Variants in ALK observed in about 807,000 individuals in gnomAD.
ALK encodes the protein ALK receptor tyrosine kinase.
Under a neutral mutation model 163.1 loss-of-function variants are expected in ALK, and 74 were observed. The ratio of observed to expected loss-of-function variants is 0.45; its 90% CI spans 0.38 to 0.55. The LOEUF (loss-of-function observed/expected upper bound fraction) is 0.55. Among genes scored for constraint, ALK ranks in the 20% least tolerant of loss-of-function variants. The pLI is 0.00. For missense variants in ALK, 2,063 were observed against 2,105.3 expected (o/e 0.98, Z 0.39); for synonymous variants, 960 against 843.2 (o/e 1.14, Z -2.40).
chr2:29,535,299 T>C (rs767819963), intron 3 of ALK, among the ~76,000 whole-genome samples: 8 of 152,194 alleles, frequency 5.3e-5, no homozygotes, highest in African/African-American at 1.9e-4. Context: ...GTTGATATGT[T>C]TAATGATTAA....
intron 11 of ALK, among the ~76,000 whole-genome samples, chr2:29,253,765 C>T (rs1346510432): frequency 1.3e-5 from 2 of 151,990 alleles, no homozygotes; most frequent in Non-Finnish European, 2.9e-5. Context: ...TGGGGGTGGC[C>T]TTATCAATCA....
chr2:29,812,354 G>T (rs1391507429), intron 1 of ALK, among the ~76,000 whole-genome samples: 1 of 151,956 alleles, frequency 6.6e-6, no homozygotes, highest in African/African-American at 2.4e-5. Flanking sequence ...AAATACCCCC[G>T]CCATCATCAA....
chr2:29,264,854 A>G (rs1157351575), intron 11 of ALK, among the ~76,000 whole-genome samples: 1 of 152,282 alleles, frequency 6.6e-6, no homozygotes, highest in Non-Finnish European at 1.5e-5. Context: ...GCTGAAAGCC[A>G]TTTTGTTTTG....
At chr2:29,450,429 A>G (rs1178077552) in intron 4 of ALK, among the ~76,000 whole-genome samples, 2 of 151,718 alleles carry the variant, frequency 1.3e-5, no homozygotes, top group African/African-American at 2.4e-5. Flanking sequence ...TGAGCCCTGT[A>G]GGGTTCAGAG....
At chr2:29,570,110 A>G (rs1462682741) in intron 3 of ALK, among the ~76,000 whole-genome samples, 6 of 152,198 alleles carry the variant, frequency 3.9e-5, no homozygotes, top group African/African-American at 1.4e-4. Context: ...CTTCATTCCT[A>G]AGGGAGGCTA....
chr2:29,441,274 C>T (rs746303670), intron 4 of ALK, among the ~76,000 whole-genome samples: 4 of 152,234 alleles, frequency 2.6e-5, no homozygotes, highest in Non-Finnish European at 5.9e-5. Flanking sequence ...GGCAGAGTGC[C>T]ATTAAAACCA....
intron 8 of ALK, among the ~76,000 whole-genome samples, chr2:29,303,567 A>G (rs921855258): frequency 6.6e-6 from 1 of 152,256 alleles, no homozygotes; most frequent in African/African-American, 2.4e-5. Context: ...ATTTTACCAT[A>G]AAGACACCTG....
At chr2:29,570,490 G>C (rs1011586656) in intron 3 of ALK, among the ~76,000 whole-genome samples, 3 of 152,198 alleles carry the variant, frequency 2.0e-5, no homozygotes, top group African/African-American at 7.2e-5. Context: ...AGAACAGAAA[G>C]TGTTCAGAGA....
chr2:29,742,016 C>G (rs1015523632), intron 1 of ALK, among the ~76,000 whole-genome samples: 1 of 152,250 alleles, frequency 6.6e-6, no homozygotes, highest in African/African-American at 2.4e-5. Context: ...CAGTGAGCAT[C>G]TTGGCCTTCA....
chr2:29,548,731 TG>T (rs1456069543), intron 3 of ALK, among the ~76,000 whole-genome samples: 2 of 152,172 alleles, frequency 1.3e-5, no homozygotes. Context: ...AAACATTTGC[TG>T]AATGAATAAA....
chr2:29,204,864 C>T, intron 26 of ALK, among the ~76,000 whole-genome samples: 1 of 152,246 alleles, frequency 6.6e-6, no homozygotes, highest in South Asian at 2.1e-4. Context: ...GCTGGGATTA[C>T]AGGCATGAGC....
intron 1 of ALK, among the ~76,000 whole-genome samples, chr2:29,786,781 T>G (rs1664039665): frequency 6.6e-6 from 1 of 151,328 alleles, no homozygotes; most frequent in African/African-American, 2.4e-5. Flanking sequence ...GTTTTTTTTG[T>G]TTGTTTGTTT....
chr2:29,617,868 G>T (rs1402677517), intron 3 of ALK, among the ~76,000 whole-genome samples: 1 of 152,192 alleles, frequency 6.6e-6, no homozygotes, highest in Admixed American at 6.5e-5. Flanking sequence ...CTCTCCCAGG[G>T]ATCAACAGAC....
intron 19 of ALK, among the ~76,000 whole-genome samples, chr2:29,225,050 G>A (rs1663908611): frequency 2.0e-5 from 3 of 152,216 alleles, no homozygotes; most frequent in Non-Finnish European, 4.4e-5. Flanking sequence ...GGAGGGTGGT[G>A]GAGGGCTGGT....
intron 1 of ALK, among the ~76,000 whole-genome samples, chr2:29,799,177 C>G (rs1046913907): frequency 3.3e-5 from 5 of 152,182 alleles, no homozygotes; most frequent in African/African-American, 1.2e-4. Flanking sequence ...AACAAACTTT[C>G]CATAGTTGCT....
At chr2:29,381,462 G>A (rs1447730709) in intron 5 of ALK, among the ~76,000 whole-genome samples, 1 of 152,212 alleles carries the variant, frequency 6.6e-6, no homozygotes, top group Non-Finnish European at 1.5e-5. Context: ...AATGCGGGGA[G>A]AATTGTCCCA....
At chr2:29,222,272 C>CTGTT in intron 22 of ALK, 72 bp downstream of exon 22, 2 of 1,387,552 alleles carry the variant, frequency 1.4e-6, no homozygotes, top group Non-Finnish European at 2.0e-6. Flanking sequence ...AGATATCGAT[C>CTGTT]TGTTAGAAAC....
chr2:29,689,180 A>G (rs965456188), intron 3 of ALK, among the ~76,000 whole-genome samples: 1 of 152,202 alleles, frequency 6.6e-6, no homozygotes, highest in Non-Finnish European at 1.5e-5. Context: ...GAACTCAGAA[A>G]TGGGTGGCTA....
chr2:29,505,653 T>A (rs1025193180), intron 4 of ALK, among the ~76,000 whole-genome samples: 11 of 152,168 alleles, frequency 7.2e-5, no homozygotes, highest in Admixed American at 2.6e-4. Context: ...GGCTGTAGGC[T>A]TCAGGCACTT....
Sources: gnomAD v4.1 joint callset for allele counts (sites outside exome capture counted in the v4.1 genomes callset) on GRCh38, gnomAD v4.1.1 for gene constraint, MANE v1.5 for transcripts, NCBI Gene and HGNC (gene_info 2026-07-23, HGNC 2026-07-21) for gene names.